CMAS: variants seen among roughly 807,000 people sequenced by gnomAD.
The protein encoded by CMAS is cytidine monophosphate N-acetylneuraminic acid synthetase, also known as N-acylneuraminate cytidylyltransferase.
CMAS carries 21 observed loss-of-function variants against 53.4 expected under a neutral mutation model. That is an observed-to-expected ratio of 0.39 (90% CI 0.28 to 0.57). CMAS has a LOEUF of 0.57. CMAS is among the 20% of genes least tolerant of loss of function. The probability of loss-of-function intolerance (pLI) is 0.56; values close to 1 mark genes in which losing one functional copy is unlikely to be tolerated. For synonymous variants in CMAS, 189 were observed against 195.2 expected (o/e 0.97, Z 0.27); for missense variants, 384 against 534.9 (o/e 0.72, Z 2.78).
intron 1 of CMAS, among the ~76,000 whole-genome samples, chr12:22,049,167 T>C (rs1387659789): frequency 6.6e-6 from 1 of 152,212 alleles, no homozygotes. Context: ...GGTACCCTGC[T>C]CATTCTTCAA....
chr12:22,046,662 G>T, intron 1 of CMAS, 99 bp downstream of exon 1: 1 of 1,316,734 alleles, frequency 7.6e-7, no homozygotes, highest in Non-Finnish European at 1.0e-6. Context: ...ACCGCTCTTG[G>T]AAGGGGGCCA....
chr12:22,063,420 T>C (rs1950321638), intron 7 of CMAS, among the ~76,000 whole-genome samples: 1 of 152,208 alleles, frequency 6.6e-6, no homozygotes, highest in African/African-American at 2.4e-5. Flanking sequence ...ATTCCAACTA[T>C]ACTTATTATC....
chr12:22,064,361 G>C (rs1950330602), intron 7 of CMAS, among the ~76,000 whole-genome samples: 1 of 151,958 alleles, frequency 6.6e-6, no homozygotes, highest in Non-Finnish European at 1.5e-5. Flanking sequence ...TTTAAAAATG[G>C]TAATTTTTCA....
intron 6 of CMAS, 128 bp downstream of exon 6, chr12:22,061,580 G>A (rs1053770929): frequency 2.6e-5 from 14 of 537,990 alleles, no homozygotes; most frequent in South Asian, 7.3e-5. Context: ...GCCTTCATAC[G>A]CCTAGAAAAT....
chr12:22,048,808 G>T (rs551915661), intron 1 of CMAS, among the ~76,000 whole-genome samples: 3 of 152,110 alleles, frequency 2.0e-5, no homozygotes, highest in Admixed American at 1.3e-4. Flanking sequence ...AACTTGCTCA[G>T]TTGCCTTGTC....
intron 4 of CMAS, among the ~76,000 whole-genome samples, chr12:22,059,762 G>A (rs987561799): frequency 6.6e-6 from 1 of 151,868 alleles, no homozygotes; most frequent in Non-Finnish European, 1.5e-5. Flanking sequence ...TTTTTTCTAA[G>A]GAGGACCATG....
intron 6 of CMAS, 92 bp downstream of exon 6, chr12:22,061,544 T>TTAAC (rs1164160769): frequency 1.5e-5 from 13 of 841,730 alleles, no homozygotes; most frequent in Non-Finnish European, 2.1e-5. Flanking sequence ...ATTTTTAGTA[T>TTAAC]TAACTCTTAA....
chr12:22,060,407 CAGCTTGAGGCCTCAAGAGGAT>C (rs1324683169), intron 4 of CMAS, among the ~76,000 whole-genome samples: 1 of 140,120 alleles, frequency 7.1e-6, no homozygotes, highest in African/African-American at 2.6e-5. Flanking sequence ...TTTGAGAGGC[CAGCTTGAGGCCTCAAGAGGAT>C]AGCTTGAGGC....
intron 7 of CMAS, among the ~76,000 whole-genome samples, chr12:22,062,844 TAATTG>T (rs1950317862): frequency 6.6e-6 from 1 of 152,202 alleles, no homozygotes; most frequent in African/African-American, 2.4e-5. Context: ...TTTTTGCTGC[TAATTG>T]AATGTACATA....
chr12:22,052,867 T>C lies in CMAS; in HGVS notation c.261-2282T>C, dbSNP rs1029245138. On this transcript the variant is annotated intron_variant, in intron 1 of 7. Transcript: ENST00000229329. ...TCTTTGATTATTTTTTCTTACTGACTTTATCCCTTGATTTAAATCCCTCTA... is the reference window on the plus strand; with the variant it reads ...TCTTTGATTATTTTTTCTTACTGACCTTATCCCTTGATTTAAATCCCTCTA... 5.3e-5 allele frequency among the ~76,000 whole-genome samples: 8 copies of C among 152,286 alleles called. No individual in the cohort carries two copies. In the East Asian group the frequency reaches 9.7e-4, roughly 18 times the overall value.
At chr12:22,058,424 C>CAAA in intron 3 of CMAS, 143 bp from the exon 4 acceptor site, 18 of 529,972 alleles carry the variant, frequency 3.4e-5, no homozygotes, top group Non-Finnish European at 4.6e-5. Flanking sequence ...GACTCTGTCT[C>CAAA]AAAAAAAAAA....
intron 1 of CMAS, among the ~76,000 whole-genome samples, chr12:22,048,215 A>G (rs1012604542): frequency 1.3e-5 from 2 of 152,238 alleles, no homozygotes; most frequent in African/African-American, 2.4e-5. Flanking sequence ...ATAAGGAAAG[A>G]CATGCAGTAT....
chr12:22,056,499 A>G (rs1382704778), intron 3 of CMAS, among the ~76,000 whole-genome samples: 3 of 152,176 alleles, frequency 2.0e-5, no homozygotes, highest in Non-Finnish European at 4.4e-5. Flanking sequence ...CTTTAATTTC[A>G]TCTCACCTCT....
chr12:22,065,364 C>T lies in CMAS; in HGVS notation c.*53C>T, dbSNP rs1408680488. On this transcript the variant is annotated 3_prime_UTR_variant, in exon 8 of 8. Transcript: ENST00000229329. ...GATACAGCCTTCTTCAGCCAGTTTG[C>T]TTTTATTTTTGATTAAGTAAATTCC... The T allele has an allele frequency of 2.8e-6, 4 of 1,452,422 alleles. No homozygotes were observed. In the African/African-American group the frequency reaches 4.2e-5, roughly 15 times the overall value. The allele number at this position is 1,452,422 out of a possible 1,614,324, so 90.0% of individuals were successfully genotyped here.
At chr12:22,060,768 T>TA (rs1012900429) in intron 4 of CMAS, 64 bp from the exon 5 acceptor site, 3 of 906,350 alleles carry the variant, frequency 3.3e-6, no homozygotes, top group Non-Finnish European at 5.6e-6. Context: ...TGTATTATAA[T>TA]AAAGTTTTGA....
In CMAS at chr12:22,061,452, G is replaced by A. The variant is rs149857767; in HGVS notation, c.960G>A (p.Glu320=). 6.4e-7 allele frequency: 1 copy of A among 1,563,866 alleles called. No individual in the cohort carries two copies. The highest frequency in any genetic ancestry group is 8.7e-7 in the Non-Finnish European group (1 of 1,147,008). Residue 320 remains glutamate, a splice_region_variant and synonymous_variant, in exon 6 of 8, where the codon GAG becomes GAA. Transcript: ENST00000229329. ...GISLLKKSGI[E]VRLISERACS... is the part of the protein sequence containing the mutation. Reference sequence around the variant, plus strand: ...GTTTATTAAAGAAAAGTGGTATTGAGGTATGTGCTCCCTGAATATAGCAGT... The same window carrying A: ...GTTTATTAAAGAAAAGTGGTATTGAAGTATGTGCTCCCTGAATATAGCAGT...
chr12:22,051,500 G>A lies in CMAS; in HGVS notation c.261-3649G>A, dbSNP rs192020232. Among the ~76,000 whole-genome samples, 464 of 152,316 alleles carry A rather than the reference G, an allele frequency of 3.0e-3. 6 individuals are homozygous for A. Among genetic ancestry groups the A allele is most frequent in the Middle Eastern group, 0.017 (5 of 294 alleles). On this transcript the variant is annotated intron_variant, in intron 1 of 7. Coordinates refer to ENST00000229329, the MANE Select transcript of CMAS (RefSeq NM_018686.6). ...TCCTGTTGGTCCTGTTAGATGTGGT[G>A]TGACTTCATTTGAGGCTAAAGCCAT... is the stretch of plus-strand genomic sequence containing the variant.
At chr12:22,063,717 T>C (rs1157355395) in intron 7 of CMAS, 1 of 135,246 alleles carries the variant, frequency 7.4e-6, no homozygotes, top group Non-Finnish European at 1.5e-5. Flanking sequence ...GTATTACTTA[T>C]ATGACATTAA....
intron 4 of CMAS, 110 bp from the exon 5 acceptor site, chr12:22,060,722 A>C (rs1950303837): frequency 3.2e-6 from 2 of 625,264 alleles, no homozygotes; most frequent in South Asian, 2.2e-5. Context: ...TGGGTTATTC[A>C]TTTTTCTCAG....
Sources: gnomAD v4.1 joint callset for allele counts (sites outside exome capture counted in the v4.1 genomes callset) on GRCh38, gnomAD v4.1.1 for gene constraint, MANE v1.5 for transcripts, NCBI Gene and HGNC (gene_info 2026-07-23, HGNC 2026-07-21) for gene names.